CHD2: variants seen among roughly 807,000 people sequenced by gnomAD.
CHD2 encodes ATP-dependent chromatin remodeler CHD2.
In CHD2, 28 loss-of-function variants were observed where a neutral mutation model predicts 243.9. That is an observed-to-expected ratio of 0.11 (90% CI 0.09 to 0.16). The LOEUF (loss-of-function observed/expected upper bound fraction) is 0.16. Among genes scored for constraint, CHD2 ranks in the 10% least tolerant of loss-of-function variants. The pLI, the probability that CHD2 is intolerant of heterozygous loss-of-function variation, is 1.00. For synonymous variants in CHD2, 775 were observed against 779.0 expected (o/e 0.99, Z 0.09); for missense variants, 1,386 against 2,209.8 (o/e 0.63, Z 7.47).
chr15:93,019,620 T>C (rs781668646), intron 37 of CHD2, among the ~76,000 whole-genome samples: 5 of 152,062 alleles, frequency 3.3e-5, no homozygotes, highest in Non-Finnish European at 7.4e-5. Context: ...ACAGAGAAGA[T>C]TGGTGTGGAA....
chr15:92,968,550 T>A (rs1415095504), intron 17 of CHD2, among the ~76,000 whole-genome samples: 2 of 152,200 alleles, frequency 1.3e-5, no homozygotes, highest in Non-Finnish European at 2.9e-5. Context: ...GATCTGTTAA[T>A]TCATTAGAGA....
intron 34 of CHD2, among the ~76,000 whole-genome samples, chr15:93,007,911 TC>T (rs567096346): frequency 3.9e-4 from 59 of 152,370 alleles, no homozygotes; most frequent in Admixed American, 1.6e-3. Context: ...CTCTTTGCTT[TC>T]CATTGTTCAC....
chr15:92,962,954 C>G (rs1356751123), intron 16 of CHD2, among the ~76,000 whole-genome samples: 1 of 152,172 alleles, frequency 6.6e-6, no homozygotes, highest in Admixed American at 6.5e-5. Flanking sequence ...TATAGCTCCT[C>G]AGCTCTCTTC....
intron 5 of CHD2, among the ~76,000 whole-genome samples, chr15:92,936,483 T>TA (rs2053269447): frequency 6.6e-6 from 1 of 152,200 alleles, no homozygotes; most frequent in Admixed American, 6.5e-5. Context: ...GTCCCTGCAA[T>TA]ATCTTGTTGG....
At chr15:92,939,027 G>T (rs941174907) in intron 6 of CHD2, among the ~76,000 whole-genome samples, 2 of 148,346 alleles carry the variant, frequency 1.3e-5, no homozygotes, top group African/African-American at 4.9e-5. Flanking sequence ...AAATCCTTTC[G>T]TATTAGTATA....
At chr15:92,938,498 G>A (rs186292115) in intron 6 of CHD2, among the ~76,000 whole-genome samples, 149 of 152,230 alleles carry the variant, frequency 9.8e-4, no homozygotes, top group Non-Finnish European at 1.6e-3. Flanking sequence ...GAAAAAGTTT[G>A]CCAACCTCTG....
rs115581167 is a variant in CHD2 at position 93,014,566 on chromosome 15, G to C, written c.4693-130G>C. On this transcript the variant is annotated intron_variant, in intron 36 of 38. Transcript: ENST00000394196. ...AATTTATGAGCCTTTTTTTTGTTAG[G>C]AGGTAGTAAACGCCAGTTCAGAAGT... The C allele has an allele frequency of 9.8e-4, 721 of 733,276 alleles. 5 individuals are homozygous for C. In the African/African-American group the frequency reaches 0.012, roughly 12 times the overall value. The allele number at this position is 733,276 out of a possible 1,614,324, so 45.4% of individuals were successfully genotyped here.
intron 32 of CHD2, among the ~76,000 whole-genome samples, chr15:93,001,353 A>G (rs1181437678): frequency 6.6e-6 from 1 of 152,174 alleles, no homozygotes; most frequent in African/African-American, 2.4e-5. Context: ...CTCTGGTCTA[A>G]GTAAAGTGAA....
At chr15:92,950,076 G>A (rs563101246) in intron 13 of CHD2, among the ~76,000 whole-genome samples, 1 of 152,294 alleles carries the variant, frequency 6.6e-6, no homozygotes, top group Admixed American at 6.5e-5. Flanking sequence ...AAATAAGGAA[G>A]GGGTGTAGGC....
intron 16 of CHD2, among the ~76,000 whole-genome samples, chr15:92,958,842 T>C (rs2053648618): frequency 6.6e-6 from 1 of 152,224 alleles, no homozygotes; most frequent in Non-Finnish European, 1.5e-5. Context: ...TAGGTGATTT[T>C]GCTCAATATC....
chr15:92,905,458 A>G (rs1417921923), intron 2 of CHD2, among the ~76,000 whole-genome samples: 1 of 152,226 alleles, frequency 6.6e-6, no homozygotes, highest in East Asian at 1.9e-4. Context: ...TTTTCCTGCC[A>G]TACTAGAGTT....
chr15:92,997,129 G>C lies in CHD2; in HGVS notation c.3734+34G>C, dbSNP rs2054198648. 9 of 1,604,594 alleles carry C rather than the reference G, an allele frequency of 5.6e-6. No homozygotes were observed. Among genetic ancestry groups the C allele is most frequent in the Non-Finnish European group, 7.6e-6 (9 of 1,176,812 alleles). On this transcript the variant is annotated intron_variant, in intron 29 of 38. Coordinates refer to ENST00000394196, the MANE Select transcript of CHD2 (RefSeq NM_001271.4). This position sits in a 1 kb window ranked among gnomAD's most constrained non-coding sequence, Gnocchi z 4.1. ...ATTTTGTGTACATGCTTAGATGGTC[G>C]TACCGTAAGAAAATAGATTTGAAGT...
intron 5 of CHD2, among the ~76,000 whole-genome samples, chr15:92,931,240 A>G (rs2053160853): frequency 1.3e-5 from 2 of 152,338 alleles, no homozygotes; most frequent in South Asian, 4.1e-4. Flanking sequence ...AGAGTTTTTA[A>G]AAAGGGACCA....
intron 20 of CHD2, among the ~76,000 whole-genome samples, chr15:92,977,177 T>A (rs545703412): frequency 6.6e-6 from 1 of 152,306 alleles, no homozygotes; most frequent in Admixed American, 6.5e-5. Flanking sequence ...GACTTCTCTT[T>A]GGAGTGTGGT....
At position 92,997,505 on chromosome 15, in the gene CHD2, G is replaced by C; in HGVS notation, c.3885+102G>C. On this transcript the variant is annotated intron_variant, in intron 30 of 38. Coordinates refer to ENST00000394196, the MANE Select transcript of CHD2 (RefSeq NM_001271.4). The surrounding 1 kb of genome is among the most constrained non-coding windows in gnomAD (Gnocchi z 4.1). ...CTATTTTCGAGGGGGCATCAAATTA[G>C]AAATTAGTATAGTCATTCTTGGAAA... 2 of 1,034,700 alleles carry C rather than the reference G, an allele frequency of 1.9e-6. No homozygotes were observed. Among genetic ancestry groups the C allele is most frequent in the Non-Finnish European group, 2.7e-6 (2 of 743,250 alleles). 64.1% of individuals were successfully genotyped at this position (1,034,700 alleles called of 1,614,324 possible).
At chr15:92,969,484 GTT>G (rs2053811935) in intron 17 of CHD2, among the ~76,000 whole-genome samples, 1 of 152,224 alleles carries the variant, frequency 6.6e-6, no homozygotes. Context: ...GTCCGAGGCT[GTT>G]GAGTCTGAAG....
At chr15:92,978,429 AG>A in intron 21 of CHD2, 46 bp downstream of exon 21, 3 of 1,566,656 alleles carry the variant, frequency 1.9e-6, no homozygotes, top group Admixed American at 2.1e-5. Context: ...GTTGGGGGCC[AG>A]GGGGCTTGTT....
intron 9 of CHD2, 147 bp downstream of exon 9, chr15:92,943,215 A>G: frequency 1.5e-6 from 1 of 654,602 alleles, no homozygotes; most frequent in Non-Finnish European, 2.6e-6. Flanking sequence ...ATTCTATTTT[A>G]TAAGATTGTG....
At chr15:92,904,352 A>T in intron 2 of CHD2, 1 of 742,806 alleles carries the variant, frequency 1.3e-6, no homozygotes. Context: ...AGCAGGGTCA[A>T]CGGCGGCGCC....
Sources: gnomAD v4.1 joint callset for allele counts (sites outside exome capture counted in the v4.1 genomes callset) on GRCh38, gnomAD v4.1.1 for gene constraint, Gnocchi (gnomAD v3.1) non-coding constraint, MANE v1.5 for transcripts, NCBI Gene and HGNC (gene_info 2026-07-23, HGNC 2026-07-21) for gene names.